CABCOCO1: variants seen among roughly 807,000 people sequenced by gnomAD.
CABCOCO1 encodes ciliary-associated calcium-binding coiled-coil protein 1.
A neutral mutation model predicts 35.7 loss-of-function variants in CABCOCO1; 28 were observed. The observed-to-expected ratio is 0.78, with a 90% confidence interval of 0.58 to 1.07. CABCOCO1 has a LOEUF of 1.07. CABCOCO1 is among the 50% of genes least tolerant of loss of function. The pLI is 0.00. For synonymous variants in CABCOCO1, 95 were observed against 100.1 expected, an observed-to-expected ratio of 0.95 and a Z score of 0.30; for missense variants, 326 against 309.2, an observed-to-expected ratio of 1.05 and a Z score of -0.41.
chr10:61,762,156 C>T (rs555417034), intron 7 of CABCOCO1, among the ~76,000 whole-genome samples: 2 of 152,066 alleles, frequency 1.3e-5, no homozygotes, highest in African/African-American at 4.8e-5. Flanking sequence ...TGGCTCTGGG[C>T]TCCTTTGCAA....
At chr10:61,740,334 T>C (rs1242951845) in intron 5 of CABCOCO1, among the ~76,000 whole-genome samples, 1 of 152,234 alleles carries the variant, frequency 6.6e-6, no homozygotes, top group African/African-American at 2.4e-5. Flanking sequence ...TGCCAGATCC[T>C]GTCTGTGTGT....
intron 5 of CABCOCO1, among the ~76,000 whole-genome samples, chr10:61,710,075 A>C (rs1840691135): frequency 6.6e-6 from 1 of 152,072 alleles, no homozygotes; most frequent in Admixed American, 6.6e-5. Flanking sequence ...TTTATTTGCC[A>C]AAAACAAGAA....
intron 5 of CABCOCO1, among the ~76,000 whole-genome samples, chr10:61,733,516 C>A (rs1259256395): frequency 6.6e-6 from 1 of 152,006 alleles, no homozygotes; most frequent in East Asian, 1.9e-4. Flanking sequence ...GCAACTTACA[C>A]CAGAGTCACA....
chr10:61,741,437 G>A (rs1365209498), intron 5 of CABCOCO1, among the ~76,000 whole-genome samples: 1 of 152,126 alleles, frequency 6.6e-6, no homozygotes, highest in African/African-American at 2.4e-5. Flanking sequence ...CCTATTTAAG[G>A]AGTAAAGAGT....
chr10:61,686,228 T>A, intron 4 of CABCOCO1, 43 bp downstream of exon 4: 1 of 1,443,596 alleles, frequency 6.9e-7, no homozygotes, highest in Non-Finnish European at 9.3e-7. Flanking sequence ...ATTTCACATC[T>A]TCTGGAAAAT....
chr10:61,694,974 T>C (rs1026766558), intron 5 of CABCOCO1, among the ~76,000 whole-genome samples: 1 of 152,050 alleles, frequency 6.6e-6, no homozygotes, highest in Admixed American at 6.6e-5. Flanking sequence ...ACTTCCTCTG[T>C]AAAATAAAAT....
chr10:61,744,709 C>T (rs1456563778), intron 5 of CABCOCO1, among the ~76,000 whole-genome samples: 1 of 152,124 alleles, frequency 6.6e-6, no homozygotes, highest in East Asian at 1.9e-4. Flanking sequence ...GACCTATTGT[C>T]CTCAAAAGGA....
intron 1 of CABCOCO1, among the ~76,000 whole-genome samples, chr10:61,664,118 G>A (rs555855060): frequency 4.6e-5 from 7 of 152,244 alleles, no homozygotes; most frequent in African/African-American, 1.4e-4. Context: ...AGACCACTAA[G>A]GCATGCGGAC....
intron 5 of CABCOCO1, among the ~76,000 whole-genome samples, chr10:61,740,972 C>A (rs556587654): frequency 1.3e-5 from 2 of 151,996 alleles, no homozygotes; most frequent in Admixed American, 1.3e-4. Context: ...CATGGTGAAA[C>A]CCCATCTCTA....
At chr10:61,686,887 T>G (rs1344621024) in intron 4 of CABCOCO1, among the ~76,000 whole-genome samples, 1 of 152,204 alleles carries the variant, frequency 6.6e-6, no homozygotes, top group African/African-American at 2.4e-5. Context: ...TAAAGGGACA[T>G]TTTTAGGGTT....
intron 5 of CABCOCO1, among the ~76,000 whole-genome samples, chr10:61,718,334 C>T (rs924257117): frequency 2.6e-5 from 4 of 152,116 alleles, no homozygotes; most frequent in Non-Finnish European, 4.4e-5. Context: ...CAGATTAGGG[C>T]TACAGTGTCA....
At chr10:61,755,871 A>G (rs1367296336) in intron 5 of CABCOCO1, among the ~76,000 whole-genome samples, 1 of 152,018 alleles carries the variant, frequency 6.6e-6, no homozygotes, top group Non-Finnish European at 1.5e-5. Context: ...TCTTTATACC[A>G]CTTCTCAGAC....
Position 61,761,149 on chromosome 10 carries a change from G to A in CABCOCO1, c.816+146G>A, listed in dbSNP as rs1035926866. The A allele has an allele frequency of 7.2e-6, 6 of 828,654 alleles. No individual in the cohort carries two copies. In the Admixed American group the frequency reaches 1.2e-4, roughly 16 times the overall value. The allele number at this position is 828,654 out of a possible 1,614,324, so 51.3% of individuals were successfully genotyped here. A position where few individuals can be genotyped will look rare whatever the true frequency, so the allele number is the denominator to read the frequency against. On this transcript the variant is annotated intron_variant, in intron 7 of 7. Coordinates refer to ENST00000648843, the MANE Select transcript of CABCOCO1 (RefSeq NM_001366906.2). ...ATTTAACAGCTTCACATAATTCTCA[G>A]TTGAGTCATCAGAGATTCAGTAAGA...
chr10:61,689,421 T>C (rs1433822182), intron 4 of CABCOCO1, among the ~76,000 whole-genome samples: 1 of 152,174 alleles, frequency 6.6e-6, no homozygotes, highest in Non-Finnish European at 1.5e-5. Flanking sequence ...AAGAGGTTTT[T>C]TTCCCCCAAA....
chr10:61,727,320 A>G (rs574100259), intron 5 of CABCOCO1, among the ~76,000 whole-genome samples: 8 of 152,346 alleles, frequency 5.3e-5, no homozygotes, highest in East Asian at 3.9e-4. Context: ...TTTCAAATTT[A>G]TCTAGTTACA....
At chr10:61,680,338 A>C (rs1310118910) in intron 2 of CABCOCO1, among the ~76,000 whole-genome samples, 1 of 139,142 alleles carries the variant, frequency 7.2e-6, no homozygotes, top group Admixed American at 7.9e-5. Context: ...ATATATTTAT[A>C]TACATATAAC....
chr10:61,725,094 A>G (rs1435194097), intron 5 of CABCOCO1, among the ~76,000 whole-genome samples: 7 of 152,156 alleles, frequency 4.6e-5, no homozygotes, highest in Admixed American at 1.3e-4. Context: ...GCGATCATTA[A>G]AAAGTCAGGA....
At chr10:61,715,549 G>A (rs1840842681) in intron 5 of CABCOCO1, among the ~76,000 whole-genome samples, 1 of 152,122 alleles carries the variant, frequency 6.6e-6, no homozygotes, top group African/African-American at 2.4e-5. Flanking sequence ...ATTTGATCCT[G>A]TCATTGTGAT....
At chr10:61,751,340 A>G (rs534480766) in intron 5 of CABCOCO1, among the ~76,000 whole-genome samples, 22 of 151,810 alleles carry the variant, frequency 1.4e-4, no homozygotes, top group Non-Finnish European at 2.5e-4. Flanking sequence ...GAAGGCAAGA[A>G]CATGGAGTTG....
Sources: allele counts gnomAD v4.1 joint callset (sites outside exome capture counted in the v4.1 genomes callset), GRCh38; gene constraint gnomAD v4.1.1; transcripts MANE v1.5; gene names NCBI Gene and HGNC (gene_info 2026-07-23, HGNC 2026-07-21).